SGCD: variants seen among roughly 807,000 people sequenced by gnomAD.
The protein encoded by SGCD is delta-sarcoglycan.
Under a neutral mutation model 36.6 loss-of-function variants are expected in SGCD, and 18 were observed. The ratio of observed to expected loss-of-function variants is 0.49; its 90% CI spans 0.34 to 0.73. SGCD has a LOEUF of 0.73. Among genes scored for constraint, SGCD ranks in the 30% least tolerant of loss-of-function variants. The pLI, the probability that SGCD is intolerant of heterozygous loss-of-function variation, is 0.01. For missense variants in SGCD, 387 were observed against 346.7 expected (o/e 1.12, Z -0.92); for synonymous variants, 133 against 130.6 (o/e 1.02, Z -0.12).
intron 1 of SGCD, among the ~76,000 whole-genome samples, chr5:156,036,990 G>A (rs1759515179): frequency 6.6e-6 from 1 of 152,158 alleles, no homozygotes; most frequent in African/African-American, 2.4e-5. Context: ...TTACTGGAGA[G>A]CTGGAAATTG....
chr5:156,036,044 G>A (rs1045900189), intron 1 of SGCD, among the ~76,000 whole-genome samples: 1 of 152,110 alleles, frequency 6.6e-6, no homozygotes, highest in East Asian at 1.9e-4. Flanking sequence ...TCCTTTAAAG[G>A]CTTTTGTGAT....
At chr5:156,033,551 A>T (rs1452653685) in intron 1 of SGCD, among the ~76,000 whole-genome samples, 1 of 152,160 alleles carries the variant, frequency 6.6e-6, no homozygotes, top group Non-Finnish European at 1.5e-5. Flanking sequence ...CCATGGATGA[A>T]TTCTTAACCT....
At chr5:155,780,921 T>G in the SGCD span, among the ~76,000 whole-genome samples, 1 of 152,180 alleles carries the variant, frequency 6.6e-6, no homozygotes, top group Admixed American at 6.6e-5. Flanking sequence ...GCACTTGTAA[T>G]TATCACACCA....
intron 3 of SGCD, among the ~76,000 whole-genome samples, chr5:156,293,097 T>C (rs1766803214): frequency 6.6e-6 from 1 of 151,978 alleles, no homozygotes; most frequent in Non-Finnish European, 1.5e-5. Flanking sequence ...TCTTTTTATG[T>C]TGCATAGGCT....
chr5:155,862,647 A>G, the SGCD span, among the ~76,000 whole-genome samples: 3 of 152,108 alleles, frequency 2.0e-5, no homozygotes, highest in African/African-American at 7.2e-5. Context: ...CACTTTATTA[A>G]CTAACTTTTG....
chr5:156,656,606 A>G (rs748566005), intron 7 of SGCD, among the ~76,000 whole-genome samples: 2 of 152,182 alleles, frequency 1.3e-5, no homozygotes, highest in Non-Finnish European at 2.9e-5. Context: ...AATTTTCCTC[A>G]TAACAATTGT....
chr5:156,599,347 C>G (rs1339219375), intron 6 of SGCD, among the ~76,000 whole-genome samples: 1 of 151,576 alleles, frequency 6.6e-6, no homozygotes, highest in Non-Finnish European at 1.5e-5. Context: ...TATGTTTTCT[C>G]TCTAAGCTTT....
chr5:156,072,371 A>G lies in SGCD; in HGVS notation c.-281-45507A>G, dbSNP rs1173666765. Among the ~76,000 whole-genome samples the G allele has an allele frequency of 5.9e-5, 9 of 152,066 alleles. No homozygotes were observed. The East Asian group carries it at 1.7e-3, about 29-fold the overall frequency. On this transcript the variant is annotated intron_variant, in intron 1 of 9. Transcript: ENST00000517913. The stretch of plus-strand genomic sequence containing the variant: ...CATTTGCTTGTCTGTAAAGTATTTT[A>G]TTTCTCCTTCACTTATGAAGCTTAA...
At chr5:155,790,181 G>C in the SGCD span, among the ~76,000 whole-genome samples, 1 of 152,108 alleles carries the variant, frequency 6.6e-6, no homozygotes, top group East Asian at 1.9e-4. Context: ...AGTTTTTTAA[G>C]ATATTACCAT....
At chr5:156,038,795 A>T (rs1366042504) in intron 1 of SGCD, among the ~76,000 whole-genome samples, 1 of 152,156 alleles carries the variant, frequency 6.6e-6, no homozygotes. Context: ...GCGCAGAAGA[A>T]CCTACAAAGG....
At chr5:156,756,576 A>G (rs1257670405) in intron 7 of SGCD, among the ~76,000 whole-genome samples, 1 of 152,158 alleles carries the variant, frequency 6.6e-6, no homozygotes, top group African/African-American at 2.4e-5. Context: ...TATTTAGGGG[A>G]TGGTTGAGTT....
At chr5:155,911,261 A>G (rs1177477126) in intron 1 of SGCD, among the ~76,000 whole-genome samples, 1 of 151,634 alleles carries the variant, frequency 6.6e-6, no homozygotes, top group Non-Finnish European at 1.5e-5. Context: ...TAAAATTTAT[A>G]TAAGATTATC....
At chr5:156,424,518 C>T (rs540637667) in intron 3 of SGCD, among the ~76,000 whole-genome samples, 1 of 152,226 alleles carries the variant, frequency 6.6e-6, no homozygotes, top group East Asian at 1.9e-4. Context: ...AATTTTTGGT[C>T]TTGCCACATC....
chr5:155,944,195 C>T (rs1167879155), intron 1 of SGCD, among the ~76,000 whole-genome samples: 1 of 152,130 alleles, frequency 6.6e-6, no homozygotes, highest in Non-Finnish European at 1.5e-5. Context: ...TGAGTTGTTT[C>T]CTTTAGTCAC....
At chr5:156,666,002 CA>C (rs1388451213) in intron 7 of SGCD, among the ~76,000 whole-genome samples, 1 of 87,020 alleles carries the variant, frequency 1.1e-5, no homozygotes, top group East Asian at 3.5e-4. Flanking sequence ...GACACAGAGA[CA>C]AAGTATAGAG....
At chr5:155,914,425 C>T (rs1055656905) in intron 1 of SGCD, among the ~76,000 whole-genome samples, 2 of 152,244 alleles carry the variant, frequency 1.3e-5, no homozygotes, top group South Asian at 2.1e-4. Context: ...CTCTAGATGG[C>T]GTTGAGATAT....
At chr5:156,676,375 T>G (rs923018116) in intron 7 of SGCD, among the ~76,000 whole-genome samples, 1 of 152,158 alleles carries the variant, frequency 6.6e-6, no homozygotes, top group African/African-American at 2.4e-5. Context: ...TTATTTTTGG[T>G]AATAACAGGT....
intron 3 of SGCD, among the ~76,000 whole-genome samples, chr5:156,198,473 C>A (rs1274729108): frequency 6.6e-6 from 1 of 152,042 alleles, no homozygotes; most frequent in Non-Finnish European, 1.5e-5. Flanking sequence ...GTTATAGTCC[C>A]TGCTGTGTAG....
chr5:155,791,724 G>A, the SGCD span, among the ~76,000 whole-genome samples: 1 of 152,172 alleles, frequency 6.6e-6, no homozygotes, highest in African/African-American at 2.4e-5. Context: ...TATCTACAAG[G>A]AGAACTACAA....
Sources: allele counts gnomAD v4.1 joint callset (sites outside exome capture counted in the v4.1 genomes callset), GRCh38; gene constraint gnomAD v4.1.1; transcripts MANE v1.5; gene names NCBI Gene and HGNC (gene_info 2026-07-23, HGNC 2026-07-21).